Variants in TIAM1 observed in about 807,000 individuals in gnomAD.
TIAM1 encodes TIAM Rac1 associated GEF 1.
Under a neutral mutation model 163.5 loss-of-function variants are expected in TIAM1, and 65 were observed. The observed-to-expected ratio is 0.40, with a 90% CI of 0.33 to 0.49. The LOEUF (loss-of-function observed/expected upper bound fraction) is 0.49, where lower values mean the gene tolerates loss of function less well. Ranked by LOEUF, TIAM1 falls within the 20% of genes least tolerant of loss-of-function variation. The pLI, the probability that TIAM1 is intolerant of heterozygous loss-of-function variation, is 0.77. For synonymous variants in TIAM1, 833 were observed against 810.1 expected, an observed-to-expected ratio of 1.03 and a Z score of -0.48; for missense variants, 1,789 against 2,044.7, an observed-to-expected ratio of 0.87 and a Z score of 2.41.
At chr21:31,196,830 T>C (rs1483392536) in intron 12 of TIAM1, among the ~76,000 whole-genome samples, 3 of 152,052 alleles carry the variant, frequency 2.0e-5, no homozygotes, top group Admixed American at 6.5e-5. Flanking sequence ...AGCAAAGATG[T>C]GGAATCAATC....
At chr21:31,550,019 G>T (rs1295354228) in intron 1 of TIAM1, among the ~76,000 whole-genome samples, 1 of 152,036 alleles carries the variant, frequency 6.6e-6, no homozygotes, top group African/African-American at 2.4e-5. Context: ...AGCTACTCAG[G>T]AGGCAGAGGC....
At chr21:31,310,579 G>A (rs1239944283) in intron 2 of TIAM1, among the ~76,000 whole-genome samples, 1 of 152,126 alleles carries the variant, frequency 6.6e-6, no homozygotes, top group Non-Finnish European at 1.5e-5. Flanking sequence ...TACCCCCATG[G>A]AGGTTAAACT....
chr21:31,169,248 C>T (rs141232978), intron 15 of TIAM1, among the ~76,000 whole-genome samples: 2,656 of 152,192 alleles, frequency 0.017, 26 homozygotes, highest in Non-Finnish European at 0.027. Flanking sequence ...GAGCCAAGAT[C>T]GCACCACTGC....
At chr21:31,520,968 A>C (rs2047560099) in intron 1 of TIAM1, among the ~76,000 whole-genome samples, 1 of 152,224 alleles carries the variant, frequency 6.6e-6, no homozygotes, top group Non-Finnish European at 1.5e-5. Context: ...CATGCCTGGC[A>C]AATGTCAGGG....
Position 31,120,655 on chromosome 21 carries a change from C to G in TIAM1, c.4489G>C (p.Asp1497His). The change falls in exon 28 of 28, where the codon GAT (aspartate) becomes CAT (histidine). Residue 1497 changes from aspartate (D) to histidine (H), a missense_variant. Around this residue, in one of 5 missense-constraint regions of TIAM1, gnomAD observed 415 missense variants for 439.2 expected, o/e 0.94. Transcript: ENST00000541036. This position sits in a 1 kb window ranked among gnomAD's most constrained non-coding sequence, Gnocchi z 4.2. Reference protein sequence around the residue: ...QFDLAQYEEQDDIKETDILSD... With the variant: ...QFDLAQYEEQHDIKETDILSD... The stretch of plus-strand genomic sequence containing the variant: ...AGGATGTCTGTCTCCTTGATGTCAT[C>G]TTGCTCCTCATACTGAGCAAGATCA... The G allele has an allele frequency of 6.2e-7, 1 of 1,614,158 alleles. No individual in the cohort carries two copies. The highest frequency in any genetic ancestry group is 8.5e-7 in the Non-Finnish European group (1 of 1,180,038).
intron 2 of TIAM1, among the ~76,000 whole-genome samples, chr21:31,411,536 C>T (rs1050643032): frequency 8.3e-5 from 12 of 145,298 alleles, no homozygotes; most frequent in Admixed American, 1.4e-4. Context: ...AGTGCAATGG[C>T]GCCATCTCGG....
chr21:31,415,593 T>C (rs138363129), intron 2 of TIAM1, among the ~76,000 whole-genome samples: 2 of 152,330 alleles, frequency 1.3e-5, no homozygotes, highest in East Asian at 1.9e-4. Flanking sequence ...TGCTTTTCTC[T>C]GTCGCCACAA....
rs933349124 is a variant in TIAM1 at position 31,395,894 on chromosome 21, C to A, written c.-368-56472G>T. On this transcript the variant is annotated intron_variant, in intron 2 of 28. Coordinates refer to the TIAM1 transcript ENST00000286827. The surrounding 1 kb of genome is among the most constrained non-coding windows in gnomAD (Gnocchi z 7.5). The stretch of plus-strand genomic sequence containing the variant: ...GCCTGAACAGAAAGAAAACAAGGAG[C>A]GAAAACAAAATAAGGCTGTCTAGCA... 6.6e-6 allele frequency among the ~76,000 whole-genome samples: 1 copy of A among 151,982 alleles called. No individual in the cohort carries two copies. The highest frequency in any genetic ancestry group is 1.5e-5 in the Non-Finnish European group (1 of 67,998).
intron 1 of TIAM1, among the ~76,000 whole-genome samples, chr21:31,500,931 C>CT (rs2046827281): frequency 6.6e-6 from 1 of 152,180 alleles, no homozygotes; most frequent in Non-Finnish European, 1.5e-5. Context: ...CATCCTCCTC[C>CT]CCTCTACAAA....
At chr21:31,535,506 A>G (rs1435695337) in intron 1 of TIAM1, among the ~76,000 whole-genome samples, 1 of 152,058 alleles carries the variant, frequency 6.6e-6, no homozygotes, top group African/African-American at 2.4e-5. Flanking sequence ...TAATTGAAAA[A>G]CATGGACCCC....
chr21:31,462,555 C>A (rs923679234), intron 2 of TIAM1, among the ~76,000 whole-genome samples: 15 of 152,110 alleles, frequency 9.9e-5, no homozygotes, highest in Non-Finnish European at 2.2e-4. Context: ...ACTGCAATTA[C>A]TTCTGCACCA....
intron 1 of TIAM1, among the ~76,000 whole-genome samples, chr21:31,548,891 C>T (rs933954578): frequency 6.6e-6 from 1 of 152,096 alleles, no homozygotes; most frequent in Admixed American, 6.6e-5. Context: ...CACTAGATGC[C>T]ACTAGAACCT....
At chr21:31,508,883 G>A (rs1054677592) in intron 1 of TIAM1, among the ~76,000 whole-genome samples, 34 of 152,154 alleles carry the variant, frequency 2.2e-4, no homozygotes, top group African/African-American at 7.7e-4. Context: ...AGACCTATGC[G>A]CACACTATTG....
At chr21:31,287,766 TGCTACACAAAGGAA>T (rs1288326934) in intron 2 of TIAM1, among the ~76,000 whole-genome samples, 1 of 152,146 alleles carries the variant, frequency 6.6e-6, no homozygotes, top group African/African-American at 2.4e-5. Context: ...GGGCTATGGA[TGCTACACAAAGGAA>T]CTGAACATGA....
At chr21:31,532,333 C>T (rs1402145065) in intron 1 of TIAM1, among the ~76,000 whole-genome samples, 1 of 152,198 alleles carries the variant, frequency 6.6e-6, no homozygotes, top group African/African-American at 2.4e-5. Flanking sequence ...TAATTACACA[C>T]ATGACCAACC....
rs1018836342 is a variant in TIAM1, at chr21:31,118,470, G to A, written c.*1898C>T. On this transcript the variant is annotated 3_prime_UTR_variant, in exon 28 of 28. Transcript: ENST00000541036. ...AAGCATTTACAACGTTCCATTCATA[G>A]ACCTAAAAACATAAAAATAGACCTT... The A allele has an allele frequency of 1.4e-5, 6 of 418,380 alleles. No homozygotes were observed. The highest frequency in any genetic ancestry group is 2.4e-5 in the Non-Finnish European group (5 of 207,138). The allele number at this position is 418,380 out of a possible 1,614,324, so 25.9% of individuals were successfully genotyped here.
chr21:31,431,897 C>T (rs2044041484), intron 2 of TIAM1, among the ~76,000 whole-genome samples: 1 of 152,144 alleles, frequency 6.6e-6, no homozygotes. Flanking sequence ...GATCCCTTAA[C>T]CGAAATGCAA....
At chr21:31,498,523 T>G (rs536323346) in intron 1 of TIAM1, among the ~76,000 whole-genome samples, 1 of 152,328 alleles carries the variant, frequency 6.6e-6, no homozygotes, top group Non-Finnish European at 1.5e-5. Context: ...TCTCTAGTGC[T>G]TTGGGGAAGG....
At chr21:31,450,917 A>C (rs1348781584) in intron 2 of TIAM1, among the ~76,000 whole-genome samples, 2 of 152,174 alleles carry the variant, frequency 1.3e-5, no homozygotes, top group Non-Finnish European at 2.9e-5. Context: ...TACGGGAGCT[A>C]CACTTCAAGA....
Sources: gnomAD v4.1 joint callset for allele counts (sites outside exome capture counted in the v4.1 genomes callset) on GRCh38, gnomAD v4.1.1 for gene constraint, gnomAD v4.1.1 regional missense constraint, Gnocchi (gnomAD v3.1) non-coding constraint, MANE v1.5 for transcripts, NCBI Gene and HGNC (gene_info 2026-07-23, HGNC 2026-07-21) for gene names.